Variants in EMC4 observed in about 807,000 individuals in gnomAD.
The protein encoded by EMC4 is cell proliferation-inducing gene 17 protein.
In EMC4, 9 loss-of-function variants were observed where a neutral mutation model predicts 24.2. The ratio of observed to expected loss-of-function variants is 0.37; its 90% CI spans 0.22 to 0.65. The LOEUF (loss-of-function observed/expected upper bound fraction) is 0.65, where lower values mean the gene tolerates loss of function less well. EMC4 is among the 30% of genes least tolerant of loss of function. The pLI is 0.59. For missense variants in EMC4, 169 were observed against 234.6 expected (o/e 0.72, Z 1.83); for synonymous variants, 86 against 81.1 (o/e 1.06, Z -0.32).
At chr15:34,229,726 C>A in intron 4 of EMC4, 27 bp from the exon 5 acceptor site, 1 of 1,259,732 alleles carries the variant, frequency 7.9e-7, no homozygotes, top group Non-Finnish European at 1.1e-6. Flanking sequence ...TGCCACTCAC[C>A]TATTTATTCT....
rs1196873857 is a variant in EMC4 at position 34,226,079 on chromosome 15, A to G, written c.201+429A>G. The G allele has an allele frequency of 2.4e-5, 8 of 339,822 alleles. No homozygotes were observed. The Admixed American group carries it at 2.7e-4, about 12-fold the overall frequency. The allele number at this position is 339,822 out of a possible 1,614,324, so 21.1% of individuals were successfully genotyped here. On this transcript the variant is annotated intron_variant, in intron 2 of 4. Transcript: ENST00000267750. ...GCTAATTTTTGTATTTTTAGTACAG[A>G]CAGGGTATCACCATGTTTGCCAGGC...
At chr15:34,228,932 C>T in intron 4 of EMC4, 1 of 196,360 alleles carries the variant, frequency 5.1e-6, no homozygotes, top group Non-Finnish European at 1.0e-5. Context: ...AAGTGACCTG[C>T]CCACCTCTGC....
Position 34,225,092 on chromosome 15 carries a change from G to A in EMC4, c.-23G>A. 2.6e-6 allele frequency: 4 copies of A among 1,547,814 alleles called. No homozygotes were observed. Among genetic ancestry groups the A allele is most frequent in the Non-Finnish European group, 3.5e-6 (4 of 1,143,430 alleles). Reference sequence around the variant, plus strand: ...TACGCTTTGGACTGAGAAGCATCGAGGCTATAGGACGCAGCTGTTGCCATG... The same window carrying A: ...TACGCTTTGGACTGAGAAGCATCGAAGCTATAGGACGCAGCTGTTGCCATG... On this transcript the variant is annotated 5_prime_UTR_variant, in exon 1 of 5. Coordinates refer to ENST00000267750, the MANE Select transcript of EMC4 (RefSeq NM_016454.4).
At chr15:34,225,862 A>G (rs911793099) in intron 2 of EMC4, 22 of 607,892 alleles carry the variant, frequency 3.6e-5, no homozygotes, top group Non-Finnish European at 5.5e-5. Flanking sequence ...AAGGTATAAG[A>G]AAGTAGGTTG....
chr15:34,225,611 T>C lies in EMC4; in HGVS notation c.162T>C (p.Asp54=), dbSNP rs1346413805. ...PVGYLDKQVP[D]TSVQETDRIL... is the part of the protein sequence containing the mutation. Reference sequence around the variant, plus strand: ...GTTACTTGGACAAGCAAGTGCCTGATACCAGCGTGCAAGAGACAGACCGGA... The same window carrying C: ...GTTACTTGGACAAGCAAGTGCCTGACACCAGCGTGCAAGAGACAGACCGGA... Residue 54 remains aspartate (D), a synonymous_variant, in exon 2 of 5, where the codon GAT becomes GAC. Transcript: ENST00000267750. 3 of 1,614,014 alleles carry C rather than the reference T, an allele frequency of 1.9e-6. No individual in the cohort carries two copies. The highest frequency in any genetic ancestry group is 3.3e-5 in the Admixed American group (2 of 60,002).
At chr15:34,227,593 G>A (rs1250854055) in intron 2 of EMC4, 100 bp from the exon 3 acceptor site, 5 of 1,296,852 alleles carry the variant, frequency 3.9e-6, no homozygotes, top group Non-Finnish European at 5.5e-6. Context: ...TTAGAAGCAG[G>A]GAGTTGGGAA....
chr15:34,227,855 T>C lies in EMC4; in HGVS notation c.355+9T>C. 1 of 1,612,144 alleles carries C rather than the reference T, an allele frequency of 6.2e-7. No individual in the cohort carries two copies. Among genetic ancestry groups the C allele is most frequent in the Non-Finnish European group, 8.5e-7 (1 of 1,178,334 alleles). ...TATGGCCATTTCAGCCAGTAAGTAT[T>C]CTTGAAACAATAACCCTTCCATAAG... On this transcript the variant is annotated intron_variant, in intron 3 of 4. Coordinates refer to ENST00000267750, the MANE Select transcript of EMC4 (RefSeq NM_016454.4).
In EMC4 at chr15:34,227,852, T is replaced by C. The variant is rs368967766; in HGVS notation, c.355+6T>C. The C allele has an allele frequency of 3.1e-6, 5 of 1,612,574 alleles. No individual in the cohort carries two copies. The highest frequency in any genetic ancestry group is 4.2e-6 in the Non-Finnish European group (5 of 1,178,676). ...ACTTATGGCCATTTCAGCCAGTAAG[T>C]ATTCTTGAAACAATAACCCTTCCAT... On this transcript the variant is annotated splice_donor_region_variant and intron_variant, in intron 3 of 4. Transcript: ENST00000267750.
Position 34,229,541 on chromosome 15 carries a change from C to G in EMC4, c.517-212C>G, listed in dbSNP as rs1231833655. On this transcript the variant is annotated intron_variant, in intron 4 of 4. Transcript: ENST00000267750. ...AGAGACAGGGTTTTGCCATGTTGCC[C>G]AGGCTGGTCTTGAACTCCTGGGCTC... The G allele has an allele frequency of 7.9e-6, 4 of 505,680 alleles. No individual in the cohort carries two copies. In the South Asian group the frequency reaches 1.1e-4, roughly 13 times the overall value. 31.3% of individuals were successfully genotyped at this position (505,680 alleles called of 1,614,324 possible).
In EMC4 at chr15:34,225,156, C is replaced by G. The variant is rs1421916016; in HGVS notation, c.42C>G (p.Arg14=). 2.6e-6 allele frequency: 4 copies of G among 1,551,602 alleles called. No homozygotes were observed. In the Admixed American group the frequency reaches 5.9e-5, roughly 23 times the overall value. Residue 14 remains arginine (R), a synonymous_variant, in exon 1 of 5, where the codon CGC becomes CGG. Transcript: ENST00000267750. ...GCCTGGTGGCTAACCGAGGCCGGCG[C>G]TTCAAGTGGGCCATTGAGCTAAGCG... ...QGGLVANRGR[R]FKWAIELSGP...
intron 4 of EMC4, 119 bp downstream of exon 4, chr15:34,228,708 T>G (rs1453671921): frequency 1.4e-6 from 1 of 705,428 alleles, no homozygotes; most frequent in African/African-American, 2.0e-5. Context: ...TTTTTTTTTT[T>G]TGAGACGGAG....
chr15:34,225,165 G>A lies in EMC4; in HGVS notation c.51G>A (p.Trp17Ter). The A allele has an allele frequency of 6.4e-7, 1 of 1,551,550 alleles. No individual in the cohort carries two copies. The highest frequency in any genetic ancestry group is 8.7e-7 in the Non-Finnish European group (1 of 1,146,912). ...CTAACCGAGGCCGGCGCTTCAAGTGGGCCATTGAGCTAAGCGGGCCTGGAG... is the reference window on the plus strand; with the variant it reads ...CTAACCGAGGCCGGCGCTTCAAGTGAGCCATTGAGCTAAGCGGGCCTGGAG... ...LVANRGRRFK[W>*]AIELSGPGGG... Residue 17 changes from tryptophan to a stop codon, truncating the protein, a stop_gained, in exon 1 of 5, where the codon TGG becomes TGA. Transcript: ENST00000267750. LOFTEE classifies it high-confidence loss of function.
chr15:34,229,571 G>C (rs562331165), intron 4 of EMC4, 182 bp from the exon 5 acceptor site: 2 of 553,644 alleles, frequency 3.6e-6, no homozygotes, highest in African/African-American at 1.9e-5. Context: ...GGGCTCAAGC[G>C]ATCTGCCTGC....
In EMC4 at chr15:34,227,559, C is replaced by T. The variant is rs758288850; in HGVS notation, c.202-134C>T. On this transcript the variant is annotated intron_variant, in intron 2 of 4. Transcript: ENST00000267750. The stretch of plus-strand genomic sequence containing the variant: ...TGGCAACGTGGAGAAGGGAAGAGGT[C>T]GTAGAATTGAGGAGTCAGCTCAGTT... The T allele has an allele frequency of 8.6e-5, 75 of 873,488 alleles. 1 individual carries two copies. Among genetic ancestry groups the T allele is most frequent in the Non-Finnish European group, 1.3e-4 (70 of 552,352 alleles). The allele number at this position is 873,488 out of a possible 1,614,324, so 54.1% of individuals were successfully genotyped here.
In EMC4 at chr15:34,225,621, C is replaced by G. The variant is rs1194245175; in HGVS notation, c.172C>G (p.Gln58Glu). The change falls in exon 2 of 5, where the codon CAA becomes GAA. Residue 58 changes from glutamine (Q) to glutamate (E), a missense_variant. By Grantham distance (29) the Gln-to-Glu change is conservative (BLOSUM62 2). Transcript: ENST00000267750. ...LDKQVPDTSV[Q>E]ETDRILVEKR... ...CAAGCAAGTGCCTGATACCAGCGTG[C>G]AAGAGACAGACCGGATCCTGGTGGA... The G allele has an allele frequency of 3.7e-6, 6 of 1,614,014 alleles. No individual in the cohort carries two copies. The highest frequency in any genetic ancestry group is 5.1e-6 in the Non-Finnish European group (6 of 1,179,950).
Position 34,228,453 on chromosome 15 carries a change from G to A in EMC4, c.380G>A (p.Ser127Asn), listed in dbSNP as rs760955536. The A allele has an allele frequency of 4.3e-6, 7 of 1,613,750 alleles. No homozygotes were observed. The highest frequency in any genetic ancestry group is 5.1e-6 in the Non-Finnish European group (6 of 1,179,956). Residue 127 changes from serine to asparagine, a missense_variant, in exon 4 of 5, where the codon AGC becomes AAC. Coordinates refer to ENST00000267750, the MANE Select transcript of EMC4 (RefSeq NM_016454.4). ...GCTTTCAAGATGTTAGAAAGTTCAA[G>A]CCAGAAGTTTCTTCAGGGTTTGGTC... ...SATFKMLESS[S>N]QKFLQGLVYL... is the part of the protein sequence containing the mutation.
chr15:34,229,584 T>C lies in EMC4; in HGVS notation c.517-169T>C, dbSNP rs116612662. On this transcript the variant is annotated intron_variant, in intron 4 of 4. Transcript: ENST00000267750. ...CTGGGCTCAAGCGATCTGCCTGCCT[T>C]GGCCTCCCAAAGTGTTTAGCTAAGA... 3.2e-3 allele frequency: 1,815 copies of C among 572,824 alleles called. 33 individuals carry two copies. The African/African-American group carries it at 0.032, about 10-fold the overall frequency. 35.5% of individuals were successfully genotyped at this position (572,824 alleles called of 1,614,324 possible). A position where few individuals can be genotyped will look rare whatever the true frequency, so the allele number is the denominator to read the frequency against.
chr15:34,225,641 G>C lies in EMC4; in HGVS notation c.192G>C (p.Leu64=), dbSNP rs79609466. 1.1e-3 allele frequency: 1,708 copies of C among 1,613,360 alleles called. 10 individuals are homozygous for C. The African/African-American group carries it at 0.021, about 20-fold the overall frequency. Residue 64 remains leucine, a synonymous_variant, in exon 2 of 5, where the codon CTG becomes CTC. Transcript: ENST00000267750. ...GCGTGCAAGAGACAGACCGGATCCT[G>C]GTGGAGAAGGTACAGAGGTATAGAT... ...DTSVQETDRI[L]VEKRCWDIAL...
Position 34,230,014 on chromosome 15 carries a change from C to CT in EMC4, c.*229dup. The CT allele has an allele frequency of 1.7e-6, 1 of 574,060 alleles. No individual in the cohort carries two copies. Among genetic ancestry groups the CT allele is most frequent in the South Asian group, 2.3e-5 (1 of 43,648 alleles). 35.6% of individuals were successfully genotyped at this position (574,060 alleles called of 1,614,324 possible). A position where few individuals can be genotyped will look rare whatever the true frequency, so the allele number is the denominator to read the frequency against. The stretch of plus-strand genomic sequence containing the variant: ...CCAAGGCTGAAAATAATGTAGAAAA[C>CT]TTTATTTTTGTTTCCAGTACAGAGC... On this transcript the variant is annotated 3_prime_UTR_variant, in exon 5 of 5. Coordinates refer to ENST00000267750, the MANE Select transcript of EMC4 (RefSeq NM_016454.4).
Sources: allele counts gnomAD v4.1 joint callset, GRCh38; gene constraint gnomAD v4.1.1; transcripts MANE v1.5; gene names NCBI Gene and HGNC (gene_info 2026-07-23, HGNC 2026-07-21).